SORCS1: variants seen among roughly 807,000 people sequenced by gnomAD.
SORCS1 encodes the protein sortilin related VPS10 domain containing receptor 1.
A neutral mutation model predicts 146.1 loss-of-function variants in SORCS1; 60 were observed. That is an observed-to-expected ratio of 0.41 (90% CI 0.33 to 0.51). The LOEUF (loss-of-function observed/expected upper bound fraction) is 0.51, where lower values mean the gene tolerates loss of function less well. Ranked by LOEUF, SORCS1 falls within the 20% of genes least tolerant of loss-of-function variation. The pLI is 0.21. For missense variants in SORCS1, 1,352 were observed against 1,487.6 expected (o/e 0.91, Z 1.50); for synonymous variants, 637 against 584.0 (o/e 1.09, Z -1.31).
intron 1 of SORCS1, among the ~76,000 whole-genome samples, chr10:107,079,775 G>A (rs995481587): frequency 3.3e-5 from 5 of 152,122 alleles, no homozygotes; most frequent in Admixed American, 6.5e-5. Flanking sequence ...CAGTACACAC[G>A]CCACAGAAAC....
Position 106,829,667 on chromosome 10 carries a change from G to T in SORCS1, c.633C>A (p.Thr211=), listed in dbSNP as rs756913568. ...GCTTCTCATAGGTTGTTCCATAATC[G>T]GTTGACCTATAATCCAAAAAGAGCA... ...SITESSLWRS[T]DYGTTYEKLN... The change falls in exon 3 of 26, where the codon ACC becomes ACA. Residue 211 remains threonine, a synonymous_variant. Transcript: ENST00000263054. The T allele has an allele frequency of 6.2e-7, 1 of 1,602,064 alleles. No individual in the cohort carries two copies. Among genetic ancestry groups the T allele is most frequent in the East Asian group, 2.2e-5 (1 of 44,496 alleles).
At chr10:106,708,030 A>G (rs1854660442) in intron 7 of SORCS1, among the ~76,000 whole-genome samples, 1 of 152,214 alleles carries the variant, frequency 6.6e-6, no homozygotes, top group Non-Finnish European at 1.5e-5. Context: ...GACTGTGTGA[A>G]ATTCCAAATG....
intron 1 of SORCS1, among the ~76,000 whole-genome samples, chr10:107,131,549 C>T (rs187331929): frequency 7.0e-4 from 107 of 152,190 alleles, no homozygotes; most frequent in African/African-American, 2.5e-3. Flanking sequence ...ATGGCGAACC[C>T]CCCCATCTCT....
intron 9 of SORCS1, among the ~76,000 whole-genome samples, chr10:106,690,571 C>A (rs1853222614): frequency 1.3e-5 from 2 of 152,196 alleles, no homozygotes; most frequent in Admixed American, 1.3e-4. Context: ...GCCACTTGAG[C>A]AAAGAGCTGT....
chr10:106,655,318 G>A (rs912014863), intron 17 of SORCS1, among the ~76,000 whole-genome samples: 1 of 152,160 alleles, frequency 6.6e-6, no homozygotes, highest in Non-Finnish European at 1.5e-5. Flanking sequence ...AAAATGACCA[G>A]TGATGTCACC....
chr10:107,110,684 C>T (rs1006097973), intron 1 of SORCS1, among the ~76,000 whole-genome samples: 2 of 149,200 alleles, frequency 1.3e-5, no homozygotes, highest in African/African-American at 2.5e-5. Flanking sequence ...TCAGTGGTGA[C>T]AAATATCCAA....
At chr10:106,813,132 T>C (rs911237918) in intron 3 of SORCS1, among the ~76,000 whole-genome samples, 23 of 139,836 alleles carry the variant, frequency 1.6e-4, no homozygotes, top group Admixed American at 7.1e-4. Flanking sequence ...TCTTTTCTTT[T>C]TTTTTTTTTT....
intron 24 of SORCS1, among the ~76,000 whole-genome samples, chr10:106,594,428 T>C (rs1845790188): frequency 6.6e-6 from 1 of 152,226 alleles, no homozygotes; most frequent in Non-Finnish European, 1.5e-5. Flanking sequence ...ATCATTTCAA[T>C]CATTTATCGT....
intron 2 of SORCS1, among the ~76,000 whole-genome samples, chr10:106,914,509 A>G (rs188419619): frequency 6.6e-6 from 1 of 152,264 alleles, no homozygotes; most frequent in Admixed American, 6.5e-5. Flanking sequence ...CACATGCAAA[A>G]TACTGGACAG....
intron 3 of SORCS1, among the ~76,000 whole-genome samples, chr10:106,776,916 C>A (rs889840600): frequency 1.3e-5 from 2 of 152,094 alleles, no homozygotes; most frequent in Admixed American, 6.5e-5. Context: ...GCTGGAAGAA[C>A]GAGGGATGAA....
At position 106,913,673 on chromosome 10, in the gene SORCS1, C is replaced by T. The variant is rs962175831; in HGVS notation, c.626+42840G>A. Among the ~76,000 whole-genome samples the T allele has an allele frequency of 7.9e-5, 12 of 152,312 alleles. No homozygotes were observed. The East Asian group carries it at 2.1e-3, about 27-fold the overall frequency. ...ACTCCTGCTGAGCTTTTCAGTAGAACTTTAACGCATGCAAAATGGAGTACT... is the reference window on the plus strand; with the variant it reads ...ACTCCTGCTGAGCTTTTCAGTAGAATTTTAACGCATGCAAAATGGAGTACT... On this transcript the variant is annotated intron_variant, in intron 2 of 25. Transcript: ENST00000263054.
intron 6 of SORCS1, among the ~76,000 whole-genome samples, chr10:106,720,974 T>C (rs1855740363): frequency 6.6e-6 from 1 of 152,040 alleles, no homozygotes; most frequent in African/African-American, 2.4e-5. Context: ...TTGTTAGGGC[T>C]GTCTTCAGGC....
intron 1 of SORCS1, among the ~76,000 whole-genome samples, chr10:107,157,612 A>G (rs751574520): frequency 4.6e-5 from 7 of 152,228 alleles, no homozygotes; most frequent in Non-Finnish European, 7.3e-5. Flanking sequence ...TATCTTTCAT[A>G]TGTGTGTAAA....
rs774940613 is a variant in SORCS1, at chr10:106,701,463, T to C, written c.1234-2070A>G. 2.0e-5 allele frequency among the ~76,000 whole-genome samples: 3 copies of C among 152,198 alleles called. No individual in the cohort carries two copies. In the South Asian group the frequency reaches 6.2e-4, roughly 31 times the overall value. On this transcript the variant is annotated intron_variant, in intron 8 of 25. Transcript: ENST00000263054. Reference sequence around the variant, plus strand: ...GTTTCTGGAATGACTGCGGAGTTATTAGGGAGAGACAAAATTAGTATCTCA... The same window carrying C: ...GTTTCTGGAATGACTGCGGAGTTATCAGGGAGAGACAAAATTAGTATCTCA...
intron 1 of SORCS1, among the ~76,000 whole-genome samples, chr10:107,024,571 T>C (rs909609677): frequency 6.6e-6 from 1 of 152,204 alleles, no homozygotes; most frequent in Non-Finnish European, 1.5e-5. Context: ...CAACTCTAGA[T>C]TTCTGTAACA....
intron 1 of SORCS1, among the ~76,000 whole-genome samples, chr10:107,013,538 T>C (rs1173683749): frequency 6.6e-6 from 1 of 152,156 alleles, no homozygotes; most frequent in African/African-American, 2.4e-5. Context: ...TCTCCCTTCC[T>C]GCAGTATCAG....
intron 5 of SORCS1, among the ~76,000 whole-genome samples, chr10:106,751,264 G>A (rs1034438322): frequency 3.3e-5 from 5 of 152,008 alleles, no homozygotes; most frequent in African/African-American, 1.2e-4. Flanking sequence ...GGATCTCTGG[G>A]AAGATTCTCT....
chr10:106,630,998 A>C (rs1000600093), intron 18 of SORCS1, among the ~76,000 whole-genome samples: 3 of 152,224 alleles, frequency 2.0e-5, no homozygotes, highest in Non-Finnish European at 4.4e-5. Flanking sequence ...TCCCACTTTC[A>C]GGAAAGAAAA....
intron 6 of SORCS1, among the ~76,000 whole-genome samples, chr10:106,713,213 G>A (rs146945951): frequency 2.4e-3 from 365 of 152,274 alleles, no homozygotes; most frequent in African/African-American, 8.0e-3. Context: ...ACATCATTGA[G>A]CTGTTGATGG....
Sources: gnomAD v4.1 joint callset for allele counts (sites outside exome capture counted in the v4.1 genomes callset) on GRCh38, gnomAD v4.1.1 for gene constraint, MANE v1.5 for transcripts, NCBI Gene and HGNC (gene_info 2026-07-23, HGNC 2026-07-21) for gene names.